PIK3C2G: variants seen among roughly 807,000 people sequenced by gnomAD.
PIK3C2G encodes the protein phosphatidylinositol 3-kinase C2 domain-containing subunit gamma.
Under a neutral mutation model 181.1 loss-of-function variants are expected in PIK3C2G, and 168 were observed. That is an observed-to-expected ratio of 0.93 (90% CI 0.82 to 1.05). The LOEUF (loss-of-function observed/expected upper bound fraction) is 1.05. PIK3C2G is among the 50% of genes least tolerant of loss of function. PIK3C2G has a pLI of 0.00. For synonymous variants in PIK3C2G, 573 were observed against 592.2 expected (o/e 0.97, Z 0.47); for missense variants, 1,869 against 1,732.8 (o/e 1.08, Z -1.40).
chr12:18,315,213 G>T (rs1191218230), intron 6 of PIK3C2G, among the ~76,000 whole-genome samples: 4 of 152,030 alleles, frequency 2.6e-5, no homozygotes, highest in Non-Finnish European at 5.9e-5. Context: ...TATCAATGTG[G>T]AACATAACAT....
chr12:18,373,169 A>G (rs1942189463), intron 13 of PIK3C2G, among the ~76,000 whole-genome samples: 1 of 152,212 alleles, frequency 6.6e-6, no homozygotes, highest in Admixed American at 6.5e-5. Flanking sequence ...CGTTGCTTCA[A>G]GTTACAAAGA....
At chr12:18,683,978 T>C in the PIK3C2G span, 3 of 992,226 alleles carry the variant, frequency 3.0e-6, no homozygotes, top group African/African-American at 1.6e-5. Flanking sequence ...CACATTTTTA[T>C]AATTCCACAG....
intron 16 of PIK3C2G, among the ~76,000 whole-genome samples, chr12:18,410,266 G>A (rs1384496193): frequency 5.3e-5 from 8 of 152,224 alleles, no homozygotes; most frequent in Admixed American, 2.0e-4. Flanking sequence ...TTGGGAGGCC[G>A]AGGTGAGGTT....
chr12:18,670,916 C>T, the PIK3C2G span, among the ~76,000 whole-genome samples: 7 of 152,142 alleles, frequency 4.6e-5, no homozygotes, highest in African/African-American at 1.4e-4. Flanking sequence ...GGCACAGTGG[C>T]TCATGCCTGT....
chr12:18,282,158 T>G lies in PIK3C2G; in HGVS notation c.77T>G (p.Phe26Cys). 6.2e-7 allele frequency: 1 copy of G among 1,611,224 alleles called. No individual in the cohort carries two copies. Among genetic ancestry groups the G allele is most frequent in the South Asian group, 1.1e-5 (1 of 90,808 alleles). ...CAGTATGAACACCAAGAATTTCTCT[T>G]TGTAAATCAACCCCATTCTTCTAGC... ...EKQYEHQEFLFVNQPHSSSQV... is the reference protein window; with the variant it reads ...EKQYEHQEFLCVNQPHSSSQV... The change falls in exon 2 of 33, where the codon TTT becomes TGT. Residue 26 changes from phenylalanine (F) to cysteine (C), a missense_variant. Transcript: ENST00000538779.
At chr12:18,590,925 T>A (rs1173203282) in intron 29 of PIK3C2G, among the ~76,000 whole-genome samples, 2 of 151,906 alleles carry the variant, frequency 1.3e-5, no homozygotes, top group Admixed American at 6.6e-5. Context: ...AATAATTAGC[T>A]AGTAGTGACA....
intron 31 of PIK3C2G, among the ~76,000 whole-genome samples, chr12:18,613,619 T>C (rs1305799533): frequency 6.6e-6 from 1 of 152,086 alleles, no homozygotes; most frequent in Non-Finnish European, 1.5e-5. Context: ...TAAGTATAGA[T>C]TGGGCTATCT....
chr12:18,638,340 C>T (rs1591737090), intron 31 of PIK3C2G, among the ~76,000 whole-genome samples: 1 of 152,166 alleles, frequency 6.6e-6, no homozygotes, highest in African/African-American at 2.4e-5. Context: ...GTAGAGGAGA[C>T]ACCACTGGGG....
Position 18,487,096 on chromosome 12 carries a change from T to TTGTGTGTGTGTGTG in PIK3C2G, c.2505-1327_2505-1314dup, listed in dbSNP as rs35440588. Among the ~76,000 whole-genome samples, 1,141 of 142,160 alleles carry TTGTGTGTGTGTGTG rather than the reference T, an allele frequency of 8.0e-3. 14 individuals are homozygous for TTGTGTGTGTGTGTG. The highest frequency in any genetic ancestry group is 0.021 in the East Asian group (101 of 4,736). 93.3% of individuals were successfully genotyped at this position (142,160 alleles called of 152,430 possible). On this transcript the variant is annotated intron_variant, in intron 18 of 32. Coordinates refer to ENST00000538779, the MANE Select transcript of PIK3C2G (RefSeq NM_001288772.2). ...TACATCTTTAGTCCCTTGAGGTATT[T>TTGTGTGTGTGTGTG]TGTGTGTGTGTGTGTGTGTGTGTGT...
In PIK3C2G at chr12:18,621,202, G is replaced by GA. The variant is rs953298640; in HGVS notation, c.4182+11582dup. On this transcript the variant is annotated intron_variant, in intron 31 of 32. Transcript: ENST00000538779. ...CATTTAAGGCAGTTCAAAGCAATTT[G>GA]AAAAAAAAACAAAAAACAGAAAAGA... Among the ~76,000 whole-genome samples the GA allele has an allele frequency of 5.0e-4, 72 of 143,762 alleles. 3 individuals carry two copies. Among genetic ancestry groups the GA allele is most frequent in the Middle Eastern group, 3.5e-3 (1 of 286 alleles). 94.3% of individuals were successfully genotyped at this position (143,762 alleles called of 152,430 possible).
At chr12:18,464,864 T>C (rs541755859) in intron 18 of PIK3C2G, among the ~76,000 whole-genome samples, 1 of 152,144 alleles carries the variant, frequency 6.6e-6, no homozygotes, top group South Asian at 2.1e-4. Flanking sequence ...TGAATATTTA[T>C]TGTGAGTACT....
chr12:18,317,851 A>C (rs986563695), intron 6 of PIK3C2G, among the ~76,000 whole-genome samples: 2 of 152,254 alleles, frequency 1.3e-5, no homozygotes, highest in African/African-American at 4.8e-5. Flanking sequence ...AAAAATGTGA[A>C]TAATAACAGT....
intron 11 of PIK3C2G, among the ~76,000 whole-genome samples, chr12:18,356,935 C>T (rs1328171671): frequency 6.6e-6 from 1 of 152,024 alleles, no homozygotes; most frequent in Non-Finnish European, 1.5e-5. Context: ...CACGTCCTCA[C>T]TTTAGGCTTC....
chr12:18,700,512 C>CAAAAAAAAAAAAAAAAAA, the PIK3C2G span, among the ~76,000 whole-genome samples: 4 of 67,896 alleles, frequency 5.9e-5, no homozygotes, highest in Non-Finnish European at 7.5e-5. Context: ...AGCCAACGTA[C>CAAAAAAAAAAAAAAAAAA]AAAAAAAAAA....
chr12:18,657,003 G>C, the PIK3C2G span, among the ~76,000 whole-genome samples: 1 of 152,088 alleles, frequency 6.6e-6, no homozygotes, highest in Non-Finnish European at 1.5e-5. Context: ...ATATGACAGA[G>C]AGTAAAATAG....
chr12:18,321,091 T>C, intron 7 of PIK3C2G, 59 bp downstream of exon 7: 1 of 908,684 alleles, frequency 1.1e-6, no homozygotes, highest in Non-Finnish European at 1.7e-6. Flanking sequence ...AAATGTCAAA[T>C]CTCAGTATTT....
At chr12:18,502,040 C>G (rs1265526979) in intron 22 of PIK3C2G, among the ~76,000 whole-genome samples, 5 of 152,198 alleles carry the variant, frequency 3.3e-5, no homozygotes, top group Non-Finnish European at 7.3e-5. Flanking sequence ...AATCTGCTAT[C>G]TCCCTTAACA....
chr12:18,608,333 T>G (rs1948159331), intron 30 of PIK3C2G, among the ~76,000 whole-genome samples: 2 of 151,802 alleles, frequency 1.3e-5, no homozygotes, highest in South Asian at 4.2e-4. Flanking sequence ...ATAGACTGGA[T>G]TAAGAAAATG....
At chr12:18,701,634 TCCTCCTC>T in the PIK3C2G span, 6 of 1,591,610 alleles carry the variant, frequency 3.8e-6, no homozygotes, top group South Asian at 6.8e-5. Flanking sequence ...CTCCTCCTCC[TCCTCCTC>T]CTCCTCCTCC....
Sources: allele counts gnomAD v4.1 joint callset (sites outside exome capture counted in the v4.1 genomes callset), GRCh38; gene constraint gnomAD v4.1.1; transcripts MANE v1.5; gene names NCBI Gene and HGNC (gene_info 2026-07-23, HGNC 2026-07-21).